Variants in DENND1A observed in about 807,000 individuals in gnomAD.
DENND1A encodes the protein DENN domain-containing protein 1A.
Under a neutral mutation model 113.7 loss-of-function variants are expected in DENND1A, and 51 were observed. The ratio of observed to expected loss-of-function variants is 0.45; its 90% CI spans 0.36 to 0.57. The LOEUF (loss-of-function observed/expected upper bound fraction) is 0.57, where lower values mean the gene tolerates loss of function less well. DENND1A is among the 20% of genes least tolerant of loss of function. The pLI, the probability that DENND1A is intolerant of heterozygous loss-of-function variation, is 0.00. For missense variants in DENND1A, 1,258 were observed against 1,395.9 expected, an observed-to-expected ratio of 0.90 and a Z score of 1.57; for synonymous variants, 565 against 570.8, an observed-to-expected ratio of 0.99 and a Z score of 0.14.
intron 5 of DENND1A, among the ~76,000 whole-genome samples, chr9:123,725,469 GT>G (rs2067635699): frequency 6.6e-6 from 1 of 152,214 alleles, no homozygotes; most frequent in African/African-American, 2.4e-5. Context: ...TTCAAACCCT[GT>G]TTTGTGTCTG....
chr9:123,467,993 C>G (rs544672738), intron 13 of DENND1A, among the ~76,000 whole-genome samples: 1 of 152,298 alleles, frequency 6.6e-6, no homozygotes, highest in South Asian at 2.1e-4. Flanking sequence ...TTACTTGAAT[C>G]ATTCAGATGA....
At chr9:123,751,336 A>C (rs533259626) in intron 5 of DENND1A, 2 of 152,342 alleles carry the variant, frequency 1.3e-5, no homozygotes, top group African/African-American at 4.8e-5. Flanking sequence ...ACTCAGGTTT[A>C]GAATCAAGTC....
At chr9:123,389,761 G>A (rs894473372) in intron 21 of DENND1A, among the ~76,000 whole-genome samples, 1 of 152,216 alleles carries the variant, frequency 6.6e-6, no homozygotes, top group Non-Finnish European at 1.5e-5. Context: ...CAAAGTGAGG[G>A]GGAGCCCACT....
chr9:123,743,276 C>T (rs79023314), intron 5 of DENND1A, among the ~76,000 whole-genome samples: 27,362 of 151,814 alleles, frequency 0.18, 2,749 homozygotes, highest in African/African-American at 0.28. Flanking sequence ...TGTCGTGCAC[C>T]TGTAATCCCA....
At chr9:123,853,638 T>G (rs1329054528) in intron 2 of DENND1A, among the ~76,000 whole-genome samples, 1 of 152,184 alleles carries the variant, frequency 6.6e-6, no homozygotes, top group African/African-American at 2.4e-5. Context: ...TACTCCAGCC[T>G]GGGTGACAGA....
At chr9:123,673,774 A>G (rs1440433138) in intron 6 of DENND1A, among the ~76,000 whole-genome samples, 2 of 152,260 alleles carry the variant, frequency 1.3e-5, no homozygotes, top group African/African-American at 2.4e-5. Context: ...AATCCAATAT[A>G]GAAATTATTC....
intron 1 of DENND1A, among the ~76,000 whole-genome samples, chr9:123,884,262 T>C (rs1848708652): frequency 6.6e-6 from 1 of 152,194 alleles, no homozygotes; most frequent in South Asian, 2.1e-4. Flanking sequence ...TTTTTAACTT[T>C]TTGGCTAAAG....
intron 13 of DENND1A, among the ~76,000 whole-genome samples, chr9:123,508,044 C>T (rs933344230): frequency 1.2e-4 from 18 of 152,096 alleles, no homozygotes; most frequent in Non-Finnish European, 1.8e-4. Flanking sequence ...AGCACATCGG[C>T]GATGGGTTAA....
At chr9:123,664,050 C>T (rs2063378521) in intron 8 of DENND1A, among the ~76,000 whole-genome samples, 1 of 152,126 alleles carries the variant, frequency 6.6e-6, no homozygotes, top group Admixed American at 6.5e-5. Flanking sequence ...TTGAAAACTA[C>T]ATGTCATAAA....
In DENND1A at chr9:123,406,838, G is replaced by A. The variant is rs571559540; in HGVS notation, c.1543-3348C>T. On this transcript the variant is annotated intron_variant, in intron 20 of 23. Coordinates refer to ENST00000394215, the MANE Select transcript of DENND1A (RefSeq NM_001352964.2). ...TTCTGCCCCTGCCCCGCGGGGCCCC[G>A]GGGCAGAGCTTTCAGGAAAGGTCAG... Among the ~76,000 whole-genome samples the A allele has an allele frequency of 9.2e-5, 14 of 152,162 alleles. No individual in the cohort carries two copies. In the South Asian group the frequency reaches 2.5e-3, roughly 27 times the overall value.
At chr9:123,635,893 T>A (rs1211555181) in intron 9 of DENND1A, among the ~76,000 whole-genome samples, 1 of 152,228 alleles carries the variant, frequency 6.6e-6, no homozygotes, top group Admixed American at 6.5e-5. Flanking sequence ...GCAAGCCACT[T>A]CCTTTCCTAG....
chr9:123,702,221 T>G (rs1329951679), intron 5 of DENND1A, among the ~76,000 whole-genome samples: 1 of 151,632 alleles, frequency 6.6e-6, no homozygotes, highest in Non-Finnish European at 1.5e-5. Flanking sequence ...AAAAAATCTG[T>G]GAAGTCAAAG....
rs1588243642 is a variant in DENND1A at position 123,382,770 on chromosome 9, G to C, written c.2020-145C>G. The C allele has an allele frequency of 3.5e-6, 3 of 854,796 alleles. No homozygotes were observed. The East Asian group carries it at 8.0e-5, about 23-fold the overall frequency. The allele number at this position is 854,796 out of a possible 1,614,324, so 53.0% of individuals were successfully genotyped here. On this transcript the variant is annotated intron_variant, in intron 23 of 23. Coordinates refer to ENST00000394215, the MANE Select transcript of DENND1A (RefSeq NM_001352964.2). ...CTCCTCGGACTTGGAACAGCTGAGG[G>C]CTCCCCCAGGTTACCAGCAGAGGAC... is the stretch of plus-strand genomic sequence containing the variant.
chr9:123,485,501 A>G (rs1384582750), intron 13 of DENND1A: 4 of 152,128 alleles, frequency 2.6e-5, no homozygotes, highest in Non-Finnish European at 4.4e-5. Flanking sequence ...TCCGCTGAAC[A>G]CCAGCAGATC....
chr9:123,380,246 T>G lies in DENND1A; in HGVS notation c.*1186A>C, dbSNP rs574569299. The stretch of plus-strand genomic sequence containing the variant: ...TGGTCGGGCCATACTTTAACTTGGT[T>G]TATGGAAATGAATCCATTTCAAGAT... On this transcript the variant is annotated 3_prime_UTR_variant, in exon 24 of 24. Coordinates refer to ENST00000394215, the MANE Select transcript of DENND1A (RefSeq NM_001352964.2). 2 of 152,566 alleles carry G rather than the reference T, an allele frequency of 1.3e-5. No individual in the cohort carries two copies. Among genetic ancestry groups the G allele is most frequent in the South Asian group, 4.1e-4 (2 of 4,822 alleles). The allele number at this position is 152,566 out of a possible 1,614,324, so 9.5% of individuals were successfully genotyped here.
chr9:123,507,616 AG>A (rs984961944), intron 13 of DENND1A, among the ~76,000 whole-genome samples: 1 of 151,470 alleles, frequency 6.6e-6, no homozygotes, highest in African/African-American at 2.4e-5. Context: ...TGGGAGGCCG[AG>A]GGGGGCAGCT....
chr9:123,837,827 CAT>C (rs568097417), intron 2 of DENND1A, among the ~76,000 whole-genome samples: 86 of 152,320 alleles, frequency 5.6e-4, no homozygotes, highest in African/African-American at 1.9e-3. Flanking sequence ...TGGCATAAAA[CAT>C]ATAAACCAAT....
intron 11 of DENND1A, among the ~76,000 whole-genome samples, chr9:123,598,101 AG>A (rs2059777144): frequency 1.3e-5 from 2 of 152,328 alleles, no homozygotes; most frequent in Middle Eastern, 3.4e-3. Context: ...TTCACTCGGC[AG>A]GTGGCCTGGA....
intron 21 of DENND1A, chr9:123,401,809 G>A: frequency 6.2e-7 from 1 of 1,614,230 alleles, no homozygotes. Context: ...AACGGCGTAA[G>A]TCAATGTGAT....
Sources: gnomAD v4.1 joint callset for allele counts (sites outside exome capture counted in the v4.1 genomes callset) on GRCh38, gnomAD v4.1.1 for gene constraint, MANE v1.5 for transcripts, NCBI Gene and HGNC (gene_info 2026-07-23, HGNC 2026-07-21) for gene names.